RALYL: variants seen among roughly 807,000 people sequenced by gnomAD.
RALYL encodes RALY RNA binding protein like.
RALYL carries 29 observed loss-of-function variants against 35.1 expected under a neutral mutation model. The ratio of observed to expected loss-of-function variants is 0.83; its 90% CI spans 0.61 to 1.13. RALYL has a LOEUF of 1.13. Among genes scored for constraint, RALYL ranks in the 50% most tolerant of loss-of-function variants. The pLI is 0.00. For synonymous variants in RALYL, 120 were observed against 127.6 expected, an observed-to-expected ratio of 0.94 and a Z score of 0.40; for missense variants, 359 against 360.4, an observed-to-expected ratio of 1.00 and a Z score of 0.03.
chr8:84,801,750 G>A (rs1823331669), intron 3 of RALYL, among the ~76,000 whole-genome samples: 1 of 152,200 alleles, frequency 6.6e-6, no homozygotes, highest in Non-Finnish European at 1.5e-5. Flanking sequence ...TAGAGAAGCA[G>A]TAAAGAATGA....
intron 2 of RALYL, among the ~76,000 whole-genome samples, chr8:84,562,659 C>G (rs1324177650): frequency 7.4e-6 from 1 of 135,170 alleles, no homozygotes; most frequent in African/African-American, 3.1e-5. Context: ...CTTTAAAAAT[C>G]ACTACTAACT....
rs79736963 is a variant in RALYL at position 84,641,526 on chromosome 8, A to T, written c.256+111949A>T. ...ATAATTTTAAGATTTAAAATTATAC[A>T]AAAAGTACACTTACAAGTATTTATG... On this transcript the variant is annotated intron_variant, in intron 2 of 8. Coordinates refer to ENST00000521268, the MANE Select transcript of RALYL (RefSeq NM_173848.7). Among the ~76,000 whole-genome samples, 268 of 152,004 alleles carry T rather than the reference A, an allele frequency of 1.8e-3. 3 individuals are homozygous for T. The East Asian group carries it at 0.034, about 19-fold the overall frequency.
chr8:84,365,218 A>C (rs965001850), intron 1 of RALYL, among the ~76,000 whole-genome samples: 6 of 152,184 alleles, frequency 3.9e-5, no homozygotes, highest in Non-Finnish European at 5.9e-5. Context: ...TTGGGCATAC[A>C]TGTATGATAC....
At chr8:84,473,057 C>T (rs56783133) in intron 1 of RALYL, among the ~76,000 whole-genome samples, 1,791 of 152,154 alleles carry the variant, frequency 0.012, 39 homozygotes, top group African/African-American at 0.041. Context: ...TAGTTCTTTA[C>T]ATTTTTGTGC....
intron 1 of RALYL, among the ~76,000 whole-genome samples, chr8:84,390,276 T>G (rs1023921533): frequency 6.6e-6 from 1 of 152,160 alleles, no homozygotes; most frequent in Non-Finnish European, 1.5e-5. Flanking sequence ...GCATCAATGT[T>G]CATCAAGGAT....
chr8:84,524,213 C>T (rs2058703126), intron 1 of RALYL, among the ~76,000 whole-genome samples: 1 of 151,918 alleles, frequency 6.6e-6, no homozygotes, highest in African/African-American at 2.4e-5. Context: ...TGACAAAGGG[C>T]TAATATCCAG....
rs35305807 is a variant in RALYL at position 84,201,567 on chromosome 8, CT to C, written c.-24+17155del. The stretch of plus-strand genomic sequence containing the variant: ...AGTAGTTTTCATTCATTTTGCTTTT[CT>C]TTTTTTTTTTTCAAGACAGAGTCTC... On this transcript the variant is annotated intron_variant, in intron 1 of 8. Coordinates refer to ENST00000521268, the MANE Select transcript of RALYL (RefSeq NM_173848.7). Among the ~76,000 whole-genome samples, 686 of 137,584 alleles carry C rather than the reference CT, an allele frequency of 5.0e-3. 1 individual carries two copies. The highest frequency in any genetic ancestry group is 0.012 in the African/African-American group (441 of 37,684). 90.3% of individuals were successfully genotyped at this position (137,584 alleles called of 152,430 possible).
chr8:84,267,938 G>A (rs1833639708), intron 1 of RALYL, among the ~76,000 whole-genome samples: 1 of 152,106 alleles, frequency 6.6e-6, no homozygotes, highest in Non-Finnish European at 1.5e-5. Context: ...AGGCAGTCTA[G>A]GCTACCCTAT....
intron 3 of RALYL, among the ~76,000 whole-genome samples, chr8:84,802,464 G>A (rs1462817551): frequency 6.6e-6 from 1 of 152,110 alleles, no homozygotes; most frequent in Admixed American, 6.5e-5. Flanking sequence ...GTTGAAGTGG[G>A]CTTGAAGTGG....
chr8:84,260,681 G>GT (rs1388563865), intron 1 of RALYL, among the ~76,000 whole-genome samples: 3 of 152,152 alleles, frequency 2.0e-5, no homozygotes, highest in Non-Finnish European at 2.9e-5. Context: ...GCCACTGTTG[G>GT]TGACCATAGT....
At chr8:84,690,270 A>T in intron 2 of RALYL, among the ~76,000 whole-genome samples, 1 of 152,198 alleles carries the variant, frequency 6.6e-6, no homozygotes, top group East Asian at 1.9e-4. Flanking sequence ...AAATTAAATA[A>T]GCGAGGCACA....
At chr8:84,600,631 T>G (rs1208870870) in intron 2 of RALYL, among the ~76,000 whole-genome samples, 1 of 152,174 alleles carries the variant, frequency 6.6e-6, no homozygotes, top group Non-Finnish European at 1.5e-5. Context: ...CCTTTGGGAC[T>G]CTGTGCACAG....
chr8:84,198,104 TGAAAA>T (rs1430629416), intron 1 of RALYL, among the ~76,000 whole-genome samples: 13 of 152,234 alleles, frequency 8.5e-5, no homozygotes, highest in African/African-American at 2.9e-4. Flanking sequence ...AGGTAGAAAC[TGAAAA>T]GAAAAGATTT....
intron 2 of RALYL, among the ~76,000 whole-genome samples, chr8:84,772,572 T>C (rs1173240310): frequency 6.6e-6 from 1 of 152,108 alleles, no homozygotes; most frequent in Non-Finnish European, 1.5e-5. Context: ...AGATTACCCC[T>C]TAATACTTTG....
At position 84,252,615 on chromosome 8, in the gene RALYL, C is replaced by G. The variant is rs569874329; in HGVS notation, c.-24+68191C>G. On this transcript the variant is annotated intron_variant, in intron 1 of 8. Coordinates refer to ENST00000521268, the MANE Select transcript of RALYL (RefSeq NM_173848.7). ...TTTAGGGTCACAGATAGCTAGCGTT[C>G]CTGTAGACATTGCTTGCGTGATCTT... 2.6e-5 allele frequency among the ~76,000 whole-genome samples: 4 copies of G among 152,192 alleles called. No homozygotes were observed. The South Asian group carries it at 8.3e-4, about 32-fold the overall frequency.
chr8:84,478,968 C>G (rs985475572), intron 1 of RALYL, among the ~76,000 whole-genome samples: 2 of 143,082 alleles, frequency 1.4e-5, no homozygotes, highest in Admixed American at 1.5e-4. Context: ...CGCCTATAGT[C>G]CCAGCTACTC....
chr8:84,462,437 T>C (rs1019870714), intron 1 of RALYL, among the ~76,000 whole-genome samples: 2 of 144,646 alleles, frequency 1.4e-5, no homozygotes, highest in African/African-American at 4.9e-5. Context: ...TTTTACTCTC[T>C]TTGTAAAAAA....
chr8:84,529,381 C>T lies in RALYL; in HGVS notation c.60C>T (p.Asn20=), dbSNP rs763058249. ...VTNKNDPKSI[N]SRVFIGNLNT... is the part of the protein sequence containing the mutation. ...ATAAGAATGACCCCAAGTCCATCAA[C>T]TCCCGTGTTTTCATCGGCAATCTAA... is the stretch of plus-strand genomic sequence containing the variant. The change falls in exon 2 of 9, where the codon AAC becomes AAT. Residue 20 remains asparagine (N), a synonymous_variant. Transcript: ENST00000521268. 6.2e-7 allele frequency: 1 copy of T among 1,608,680 alleles called. No individual in the cohort carries two copies. The highest frequency in any genetic ancestry group is 1.1e-5 in the South Asian group (1 of 90,176).
intron 1 of RALYL, among the ~76,000 whole-genome samples, chr8:84,488,262 C>T (rs2054867898): frequency 6.6e-6 from 1 of 152,040 alleles, no homozygotes; most frequent in African/African-American, 2.4e-5. Context: ...TTGAATATTG[C>T]ACTTGTCCAA....
Sources: allele counts gnomAD v4.1 joint callset (sites outside exome capture counted in the v4.1 genomes callset), GRCh38; gene constraint gnomAD v4.1.1; transcripts MANE v1.5; gene names NCBI Gene and HGNC (gene_info 2026-07-23, HGNC 2026-07-21).